The following DOCK9 variants were observed in gnomAD, a reference collection of about 807,000 sequenced individuals.
The protein encoded by DOCK9 is dedicator of cytokinesis 9.
A neutral mutation model predicts 263.3 loss-of-function variants in DOCK9; 89 were observed. That is an observed-to-expected ratio of 0.34 (90% CI 0.28 to 0.40). The LOEUF (loss-of-function observed/expected upper bound fraction) is 0.40, where lower values mean the gene tolerates loss of function less well. DOCK9 is among the 10% of genes least tolerant of loss of function. DOCK9 has a pLI of 1.00. For synonymous variants in DOCK9, 976 were observed against 973.1 expected, an observed-to-expected ratio of 1.00 and a Z score of -0.06; for missense variants, 2,140 against 2,603.4, an observed-to-expected ratio of 0.82 and a Z score of 3.87.
At chr13:98,931,030 A>T (rs954933029) in intron 2 of DOCK9, among the ~76,000 whole-genome samples, 1 of 152,202 alleles carries the variant, frequency 6.6e-6, no homozygotes, top group Non-Finnish European at 1.5e-5. Context: ...ATCTCTTGTC[A>T]TTTACATCTG....
At chr13:98,972,006 T>G (rs2059783287) in intron 1 of DOCK9, among the ~76,000 whole-genome samples, 1 of 152,220 alleles carries the variant, frequency 6.6e-6, no homozygotes, top group Admixed American at 6.5e-5. Context: ...GTCTCAATGC[T>G]AAGCTCAAGT....
At chr13:98,858,818 C>G (rs764697384) in intron 33 of DOCK9, 2 of 152,184 alleles carry the variant, frequency 1.3e-5, no homozygotes, top group Non-Finnish European at 2.9e-5. Context: ...TGGCCTATCT[C>G]CAAGTTCTAA....
intron 1 of DOCK9, among the ~76,000 whole-genome samples, chr13:99,043,168 C>T (rs1050878293): frequency 2.0e-5 from 3 of 151,980 alleles, no homozygotes; most frequent in African/African-American, 7.2e-5. Flanking sequence ...TGGGTCACTG[C>T]CTCTCAGGGT....
intron 1 of DOCK9, among the ~76,000 whole-genome samples, chr13:99,085,510 T>C (rs972815873): frequency 3.3e-5 from 5 of 152,200 alleles, no homozygotes; most frequent in African/African-American, 1.2e-4. Context: ...CAGAGGCCTA[T>C]TCTCTAAAGA....
intron 1 of DOCK9, among the ~76,000 whole-genome samples, chr13:99,071,728 TC>T (rs2041689597): frequency 6.6e-6 from 1 of 152,190 alleles, no homozygotes; most frequent in Non-Finnish European, 1.5e-5. Context: ...TTTTAATTTC[TC>T]TAAAAATGTT....
intron 1 of DOCK9, among the ~76,000 whole-genome samples, chr13:98,963,219 C>T (rs1688685568): frequency 6.6e-6 from 1 of 152,166 alleles, no homozygotes; most frequent in African/African-American, 2.4e-5. Flanking sequence ...CACCATGATC[C>T]CCCCACCCTT....
intron 15 of DOCK9, among the ~76,000 whole-genome samples, chr13:98,890,738 C>A (rs2046494118): frequency 6.6e-6 from 1 of 152,198 alleles, no homozygotes; most frequent in Non-Finnish European, 1.5e-5. Context: ...CTCAGTACAT[C>A]TTGGAATATT....
intron 2 of DOCK9, among the ~76,000 whole-genome samples, chr13:98,953,802 G>C (rs1406299560): frequency 6.6e-6 from 1 of 152,222 alleles, no homozygotes; most frequent in Non-Finnish European, 1.5e-5. Context: ...AGTATGCAAA[G>C]CATGGTATTG....
rs549406389 is a variant in DOCK9 at position 99,029,771 on chromosome 13, C to A, written c.129+56452G>T. Among the ~76,000 whole-genome samples the A allele has an allele frequency of 1.4e-4, 21 of 152,296 alleles. No individual in the cohort carries two copies. The South Asian group carries it at 3.7e-3, about 27-fold the overall frequency. ...ACAGCTACCACCTGACCTAGCAATTCCACTCCTAGGTATCCACCCAAGAAA... is the reference window on the plus strand; with the variant it reads ...ACAGCTACCACCTGACCTAGCAATTACACTCCTAGGTATCCACCCAAGAAA... On this transcript the variant is annotated intron_variant, in intron 1 of 32. Coordinates refer to the DOCK9 transcript ENST00000427887.
chr13:99,012,749 C>T (rs1884727086), intron 1 of DOCK9, among the ~76,000 whole-genome samples: 1 of 152,164 alleles, frequency 6.6e-6, no homozygotes, highest in South Asian at 2.1e-4. Context: ...GCCCAGGGAA[C>T]ATTCAACCAT....
chr13:98,899,551 T>C (rs1184572144), intron 13 of DOCK9, among the ~76,000 whole-genome samples: 2 of 152,168 alleles, frequency 1.3e-5, no homozygotes, highest in Non-Finnish European at 2.9e-5. Context: ...CCTTCTCCAA[T>C]GAGGTATGTT....
In DOCK9 at chr13:98,812,972, G is replaced by C. The variant is rs550447532; in HGVS notation, c.5131-2681C>G. Among the ~76,000 whole-genome samples the C allele has an allele frequency of 8.5e-5, 13 of 152,256 alleles. No individual in the cohort carries two copies. In the South Asian group the frequency reaches 1.0e-3, roughly 12 times the overall value. ...TTTGATGATCACTTTAAAGGAAAGT[G>C]CTTTGTTTGAATAAGATTAAATATC... On this transcript the variant is annotated intron_variant, in intron 45 of 52. Coordinates refer to ENST00000682017, the MANE Select transcript of DOCK9 (RefSeq NM_001366683.2).
rs191075434 is a variant in DOCK9 at position 98,825,277 on chromosome 13, C to T, written c.5024-773G>A. The stretch of plus-strand genomic sequence containing the variant: ...GACCACGTCAGCTATGCAAAATGAT[C>T]AAGTGAAGAAGGGCATGAGATGTTC... On this transcript the variant is annotated intron_variant, in intron 44 of 52. Coordinates refer to ENST00000682017, the MANE Select transcript of DOCK9 (RefSeq NM_001366683.2). This position sits in a 1 kb window ranked among gnomAD's most constrained non-coding sequence, Gnocchi z 4.1. 1.8e-3 allele frequency among the ~76,000 whole-genome samples: 277 copies of T among 152,342 alleles called. 2 individuals are homozygous for T. The highest frequency in any genetic ancestry group is 6.5e-3 in the African/African-American group (270 of 41,576).
At chr13:99,032,342 G>A (rs971157415) in intron 1 of DOCK9, among the ~76,000 whole-genome samples, 4 of 152,114 alleles carry the variant, frequency 2.6e-5, no homozygotes, top group East Asian at 1.9e-4. Context: ...CAGAAGTGGC[G>A]GCGTGTGCCT....
chr13:98,889,074 G>C (rs2046236802), intron 15 of DOCK9, among the ~76,000 whole-genome samples: 1 of 152,226 alleles, frequency 6.6e-6, no homozygotes, highest in African/African-American at 2.4e-5. Flanking sequence ...ACACAGTACA[G>C]GTCTAGATAA....
At chr13:99,085,456 C>T (rs2042291070) in intron 1 of DOCK9, among the ~76,000 whole-genome samples, 1 of 152,236 alleles carries the variant, frequency 6.6e-6, no homozygotes, top group South Asian at 2.1e-4. Context: ...AGGACCGGCG[C>T]TGGCTGTGAA....
intron 1 of DOCK9, among the ~76,000 whole-genome samples, chr13:98,994,082 TAAA>T (rs1307488998): frequency 6.6e-6 from 1 of 152,118 alleles, no homozygotes; most frequent in Admixed American, 6.5e-5. Flanking sequence ...TATATTAAAA[TAAA>T]AAAACTTTAA....
At chr13:98,803,917 G>A (rs2140064395) in intron 49 of DOCK9, among the ~76,000 whole-genome samples, 1 of 149,518 alleles carries the variant, frequency 6.7e-6, no homozygotes, top group South Asian at 2.1e-4. Flanking sequence ...CGCTGTCCTG[G>A]GCTAATTCAT....
intron 25 of DOCK9, among the ~76,000 whole-genome samples, chr13:98,881,143 T>TC (rs1374669370): frequency 6.6e-6 from 1 of 152,180 alleles, no homozygotes; most frequent in Admixed American, 6.5e-5. Flanking sequence ...TCTCTTGCTG[T>TC]CCCACAGAGT....
Sources: allele counts gnomAD v4.1 joint callset (sites outside exome capture counted in the v4.1 genomes callset), GRCh38; gene constraint gnomAD v4.1.1; non-coding constraint Gnocchi (gnomAD v3.1); transcripts MANE v1.5; gene names NCBI Gene and HGNC (gene_info 2026-07-23, HGNC 2026-07-21).